The following CSMD1 variants were observed in gnomAD, a reference collection of about 807,000 sequenced individuals.
CSMD1 encodes the protein CUB and sushi domain-containing protein 1.
In CSMD1, 213 loss-of-function variants were observed where a neutral mutation model predicts 417.5. The observed-to-expected ratio is 0.51, with a 90% CI of 0.46 to 0.57. The LOEUF (loss-of-function observed/expected upper bound fraction) is 0.57. Among genes scored for constraint, CSMD1 ranks in the 20% least tolerant of loss-of-function variants. The probability of loss-of-function intolerance (pLI) is 0.00; values close to 1 mark genes in which losing one functional copy is unlikely to be tolerated. For synonymous variants in CSMD1, 2,862 were observed against 1,736.8 expected, an observed-to-expected ratio of 1.65 and a Z score of -16.11; for missense variants, 6,923 against 4,529.7, an observed-to-expected ratio of 1.53 and a Z score of -15.17.
rs1812857213 is a variant in CSMD1, at chr8:3,412,222, CTTTA to C, written c.1562-2621_1562-2618del. Among the ~76,000 whole-genome samples the C allele has an allele frequency of 2.7e-5, 4 of 149,988 alleles. No homozygotes were observed. In the South Asian group the frequency reaches 8.4e-4, roughly 32 times the overall value. ...CATACACACACACACACCACTGTTT[CTTTA>C]TCCACTCATTGATTGATGGGCATTT... is the stretch of plus-strand genomic sequence containing the variant. On this transcript the variant is annotated intron_variant, in intron 12 of 69. Transcript: ENST00000635120.
chr8:4,419,976 T>G lies in CSMD1; in HGVS notation c.392A>C (p.Gln131Pro), dbSNP rs1458229469. Residue 131 changes from glutamine (Q) to proline (P), a missense_variant, in exon 3 of 70, where the codon CAA becomes CCA. Gln to Pro is a moderately conservative substitution (Grantham distance 76). Transcript: ENST00000635120. ...WFTTDFAVSA[Q>P]GFKALYEVLP... ...ACCTTCATATAATGCTTTGAAACCT[T>G]GGGCACTCACAGCGAAGTCTGTCGT... 6.3e-7 allele frequency: 1 copy of G among 1,584,266 alleles called. No individual in the cohort carries two copies. The highest frequency in any genetic ancestry group is 8.6e-7 in the Non-Finnish European group (1 of 1,163,844).
intron 7 of CSMD1, among the ~76,000 whole-genome samples, chr8:3,672,894 G>C (rs553603530): frequency 2.0e-5 from 3 of 152,272 alleles, no homozygotes; most frequent in African/African-American, 4.8e-5. Flanking sequence ...AAAATCCATG[G>C]TTTTTCTATC....
intron 1 of CSMD1, among the ~76,000 whole-genome samples, chr8:4,982,589 G>C (rs1316886556): frequency 6.6e-6 from 1 of 152,036 alleles, no homozygotes; most frequent in Non-Finnish European, 1.5e-5. Context: ...TTTCTCATAG[G>C]TTCTATTCTT....
intron 52 of CSMD1, among the ~76,000 whole-genome samples, chr8:3,014,576 T>C (rs775879237): frequency 1.3e-5 from 2 of 152,202 alleles, no homozygotes; most frequent in Non-Finnish European, 2.9e-5. Flanking sequence ...CACAACTTCA[T>C]TGAGAACTCT....
At chr8:4,433,318 T>A (rs931628653) in intron 2 of CSMD1, among the ~76,000 whole-genome samples, 4 of 152,088 alleles carry the variant, frequency 2.6e-5, no homozygotes, top group African/African-American at 4.8e-5. Flanking sequence ...ACGAAACTGG[T>A]CCCTGGCACC....
chr8:4,268,527 A>AT (rs1439409123), intron 3 of CSMD1, among the ~76,000 whole-genome samples: 1 of 152,146 alleles, frequency 6.6e-6, no homozygotes, highest in African/African-American at 2.4e-5. Context: ...AGTCAAAATG[A>AT]TTTTTTAAAT....
chr8:4,339,546 C>G (rs538358348), intron 3 of CSMD1, among the ~76,000 whole-genome samples: 1 of 152,168 alleles, frequency 6.6e-6, no homozygotes. Flanking sequence ...CTAAAGACTA[C>G]TGAATCTTTC....
intron 50 of CSMD1, among the ~76,000 whole-genome samples, chr8:3,035,365 A>G (rs189605953): frequency 1.4e-3 from 215 of 152,264 alleles, no homozygotes; most frequent in Admixed American, 2.8e-3. Flanking sequence ...GGAGGGTATC[A>G]CTATTATTTG....
chr8:4,953,653 A>C (rs151310063), intron 1 of CSMD1, among the ~76,000 whole-genome samples: 65 of 152,214 alleles, frequency 4.3e-4, no homozygotes, highest in African/African-American at 1.5e-3. Flanking sequence ...AGCAGTCAGA[A>C]TTAAATGTTA....
chr8:4,937,140 G>A (rs1236422001), intron 1 of CSMD1, among the ~76,000 whole-genome samples: 1 of 152,130 alleles, frequency 6.6e-6, no homozygotes, highest in Non-Finnish European at 1.5e-5. Flanking sequence ...TTGGGCCCAG[G>A]AGCTCAAGGC....
intron 3 of CSMD1, among the ~76,000 whole-genome samples, chr8:4,389,717 A>C (rs1014813369): frequency 1.3e-5 from 2 of 152,100 alleles, no homozygotes; most frequent in African/African-American, 2.4e-5. Context: ...ATTTTCCTGT[A>C]TATTTTAAAA....
At chr8:4,257,157 A>T (rs190271076) in intron 3 of CSMD1, among the ~76,000 whole-genome samples, 2 of 152,076 alleles carry the variant, frequency 1.3e-5, no homozygotes, top group South Asian at 4.2e-4. Flanking sequence ...CAAATTACTA[A>T]AAGTTTGACC....
At chr8:3,761,049 C>G (rs1376322449) in intron 5 of CSMD1, among the ~76,000 whole-genome samples, 1 of 151,900 alleles carries the variant, frequency 6.6e-6, no homozygotes, top group South Asian at 2.1e-4. Context: ...TTAAATAGAA[C>G]AACCTGATCA....
chr8:3,899,561 G>C (rs377250343), intron 5 of CSMD1, among the ~76,000 whole-genome samples: 39 of 152,186 alleles, frequency 2.6e-4, no homozygotes, highest in African/African-American at 9.2e-4. Flanking sequence ...TAAAAAGAAG[G>C]TTGTTGTTGT....
At chr8:4,836,519 T>C (rs866129992) in intron 1 of CSMD1, among the ~76,000 whole-genome samples, 6 of 152,180 alleles carry the variant, frequency 3.9e-5, no homozygotes, top group Non-Finnish European at 7.3e-5. Context: ...CATATGCTAA[T>C]TGTAATAAAT....
At chr8:3,374,568 T>C (rs572356029) in intron 18 of CSMD1, among the ~76,000 whole-genome samples, 15 of 152,282 alleles carry the variant, frequency 9.9e-5, no homozygotes, top group African/African-American at 3.6e-4. Flanking sequence ...ATGACGGACA[T>C]GCTGGTGAAT....
At chr8:3,994,494 C>G (rs1017390684) in intron 5 of CSMD1, among the ~76,000 whole-genome samples, 1 of 143,616 alleles carries the variant, frequency 7.0e-6, no homozygotes, top group East Asian at 2.0e-4. Context: ...CACCACTACA[C>G]AAATCCTTCC....
intron 10 of CSMD1, among the ~76,000 whole-genome samples, chr8:3,552,782 T>C (rs942504466): frequency 2.0e-5 from 3 of 152,226 alleles, no homozygotes; most frequent in African/African-American, 7.2e-5. Flanking sequence ...TTCTGCTTTT[T>C]AATACAGAAG....
intron 3 of CSMD1, among the ~76,000 whole-genome samples, chr8:4,302,189 C>G (rs1273723541): frequency 2.0e-5 from 3 of 151,906 alleles, no homozygotes; most frequent in Non-Finnish European, 4.4e-5. Flanking sequence ...TGAGGGGTAC[C>G]TAATAAAAAA....
Sources: allele counts gnomAD v4.1 joint callset (sites outside exome capture counted in the v4.1 genomes callset), GRCh38; gene constraint gnomAD v4.1.1; transcripts MANE v1.5; gene names NCBI Gene and HGNC (gene_info 2026-07-23, HGNC 2026-07-21).